The following FAM110B variants were observed in gnomAD, a reference collection of about 807,000 sequenced individuals.
FAM110B encodes the protein family with sequence similarity 110 member B.
In FAM110B, 6 loss-of-function variants were observed where a neutral mutation model predicts 20.4. The ratio of observed to expected loss-of-function variants is 0.29; its 90% confidence interval spans 0.16 to 0.58. The LOEUF (loss-of-function observed/expected upper bound fraction) is 0.58. Ranked by LOEUF, FAM110B falls within the 20% of genes least tolerant of loss-of-function variation. The pLI is 0.90. For synonymous variants in FAM110B, 226 were observed against 214.1 expected (o/e 1.06, Z -0.49); for missense variants, 434 against 498.2 (o/e 0.87, Z 1.23).
rs538496528 is a variant in FAM110B at position 58,025,953 on chromosome 8, T to A, written c.-511-5653T>A. 1.8e-4 allele frequency among the ~76,000 whole-genome samples: 27 copies of A among 152,316 alleles called. No individual in the cohort carries two copies. In the South Asian group the frequency reaches 5.2e-3, roughly 29 times the overall value. Reference sequence around the variant, plus strand: ...TTATCAACTTGGATTGTGCAGGAGGTCCATGGTCTTTCCAGACTCATGCAT... The same window carrying A: ...TTATCAACTTGGATTGTGCAGGAGGACCATGGTCTTTCCAGACTCATGCAT... On this transcript the variant is annotated intron_variant, in intron 1 of 3. Transcript: ENST00000519262.
intron 1 of FAM110B, among the ~76,000 whole-genome samples, chr8:58,011,476 A>G (rs1292204505): frequency 6.6e-6 from 1 of 152,286 alleles, no homozygotes; most frequent in East Asian, 1.9e-4. Context: ...TAAAGAGCCA[A>G]ATTCCACCTC....
intron 3 of FAM110B, chr8:58,113,192 T>C (rs929071449): frequency 6.6e-6 from 1 of 152,382 alleles, no homozygotes; most frequent in African/African-American, 2.4e-5. Context: ...GATTACTTTA[T>C]GTCTGCATCT....
chr8:58,132,334 G>A (rs1271223236), intron 3 of FAM110B, among the ~76,000 whole-genome samples: 1 of 152,134 alleles, frequency 6.6e-6, no homozygotes, highest in Non-Finnish European at 1.5e-5. Flanking sequence ...GAGTTTTGCT[G>A]TGAAAGCAGC....
At chr8:58,039,790 T>G (rs1049533838) in intron 2 of FAM110B, among the ~76,000 whole-genome samples, 1 of 152,108 alleles carries the variant, frequency 6.6e-6, no homozygotes, top group Non-Finnish European at 1.5e-5. Context: ...AGGGACTCCG[T>G]CCCTTGCTCA....
At chr8:58,060,139 G>C (rs1286452106) in intron 2 of FAM110B, among the ~76,000 whole-genome samples, 3 of 152,058 alleles carry the variant, frequency 2.0e-5, no homozygotes, top group African/African-American at 7.2e-5. Context: ...TGTCTTTATG[G>C]AACAATTGAG....
At chr8:58,061,154 A>G (rs1805650418) in intron 2 of FAM110B, among the ~76,000 whole-genome samples, 1 of 152,218 alleles carries the variant, frequency 6.6e-6, no homozygotes, top group Non-Finnish European at 1.5e-5. Flanking sequence ...ATAAATGTGA[A>G]GATCATGCTT....
intron 1 of FAM110B, among the ~76,000 whole-genome samples, chr8:58,030,622 T>C (rs990730958): frequency 1.3e-5 from 2 of 152,216 alleles, no homozygotes; most frequent in Non-Finnish European, 2.9e-5. Context: ...TATTTTTCTC[T>C]TGGTTCCTCC....
At chr8:58,067,464 T>C (rs1471263109) in intron 2 of FAM110B, among the ~76,000 whole-genome samples, 2 of 152,166 alleles carry the variant, frequency 1.3e-5, no homozygotes, top group African/African-American at 4.8e-5. Context: ...TGTCTCCTCC[T>C]TCCTCCTCCA....
intron 3 of FAM110B, among the ~76,000 whole-genome samples, chr8:58,088,824 C>T (rs1363462580): frequency 6.6e-6 from 1 of 152,192 alleles, no homozygotes; most frequent in Non-Finnish European, 1.5e-5. Context: ...TCAGAGGGCT[C>T]ATGGGGTGCA....
chr8:58,028,706 T>C, intron 1 of FAM110B, among the ~76,000 whole-genome samples: 1 of 152,232 alleles, frequency 6.6e-6, no homozygotes, highest in East Asian at 1.9e-4. Flanking sequence ...TCTTATTGGA[T>C]GTTTTGTTTC....
chr8:58,065,555 T>G (rs1405436364), intron 2 of FAM110B, among the ~76,000 whole-genome samples: 2 of 152,154 alleles, frequency 1.3e-5, no homozygotes, highest in African/African-American at 4.8e-5. Flanking sequence ...AACAATAATA[T>G]CTATTTATGA....
chr8:58,145,115 A>G (rs962671747), intron 3 of FAM110B, among the ~76,000 whole-genome samples: 2 of 152,192 alleles, frequency 1.3e-5, no homozygotes, highest in African/African-American at 4.8e-5. Context: ...CTCATTAAGT[A>G]TGAAAAATTA....
chr8:58,133,675 A>C (rs1395270126), intron 3 of FAM110B, among the ~76,000 whole-genome samples: 1 of 152,008 alleles, frequency 6.6e-6, no homozygotes, highest in East Asian at 1.9e-4. Flanking sequence ...GGAGGAGGGC[A>C]TCTTGGTCAG....
intron 1 of FAM110B, among the ~76,000 whole-genome samples, chr8:58,028,461 G>T (rs1435622825): frequency 6.6e-6 from 1 of 152,112 alleles, no homozygotes; most frequent in African/African-American, 2.4e-5. Context: ...GTATGTAGTG[G>T]TATCTCATTA....
chr8:58,147,622 ACTT>A lies in FAM110B; in HGVS notation c.*284_*286del, dbSNP rs1803898530. On this transcript the variant is annotated 3_prime_UTR_variant, in exon 4 of 4. Transcript: ENST00000519262. ...ACTGTTTACATGAAAATGGTATACA[ACTT>A]CTTCGATATTTATGTGGTTCTTGTG... 1 of 423,774 alleles carries A rather than the reference ACTT, an allele frequency of 2.4e-6. No homozygotes were observed. Among genetic ancestry groups the A allele is most frequent in the African/African-American group, 2.0e-5 (1 of 49,898 alleles). 26.3% of individuals were successfully genotyped at this position (423,774 alleles called of 1,614,324 possible).
chr8:58,121,290 G>C (rs1479540405), intron 3 of FAM110B, among the ~76,000 whole-genome samples: 1 of 152,130 alleles, frequency 6.6e-6, no homozygotes, highest in Non-Finnish European at 1.5e-5. Context: ...ACATAATAAT[G>C]CTTTTGATGT....
At chr8:58,004,773 C>G (rs1298608932) in intron 1 of FAM110B, among the ~76,000 whole-genome samples, 1 of 152,162 alleles carries the variant, frequency 6.6e-6, no homozygotes, top group Non-Finnish European at 1.5e-5. Flanking sequence ...CATGAACCAA[C>G]GTCTGCTAGC....
chr8:58,133,039 A>G (rs577402600), intron 3 of FAM110B, among the ~76,000 whole-genome samples: 82 of 152,126 alleles, frequency 5.4e-4, no homozygotes, highest in Non-Finnish European at 1.0e-3. Context: ...AAAAAAGTAC[A>G]TTTTATTTTA....
intron 3 of FAM110B, among the ~76,000 whole-genome samples, chr8:58,117,179 A>G (rs1320986041): frequency 6.6e-6 from 1 of 152,134 alleles, no homozygotes; most frequent in Admixed American, 6.5e-5. Flanking sequence ...TCAGTGAGGT[A>G]TTTTTCTCTG....
Sources: gnomAD v4.1 joint callset for allele counts (sites outside exome capture counted in the v4.1 genomes callset) on GRCh38, gnomAD v4.1.1 for gene constraint, MANE v1.5 for transcripts, NCBI Gene and HGNC (gene_info 2026-07-23, HGNC 2026-07-21) for gene names.